The following DPYSL3 variants were observed in gnomAD, a reference collection of about 807,000 sequenced individuals.
DPYSL3 encodes the protein dihydropyrimidinase like 3, also known as dihydropyrimidinase-related protein 3.
DPYSL3 carries 16 observed loss-of-function variants against 66.1 expected under a neutral mutation model. The observed-to-expected ratio is 0.24, with a 90% CI of 0.16 to 0.37. DPYSL3 has a LOEUF of 0.37. Among genes scored for constraint, DPYSL3 ranks in the 10% least tolerant of loss-of-function variants. The pLI is 1.00. For missense variants in DPYSL3, 738 were observed against 916.2 expected (o/e 0.81, Z 2.51); for synonymous variants, 338 against 345.1 (o/e 0.98, Z 0.23).
intron 1 of DPYSL3, among the ~76,000 whole-genome samples, chr5:147,479,832 T>C (rs1315614840): frequency 6.6e-6 from 1 of 152,126 alleles, no homozygotes; most frequent in Non-Finnish European, 1.5e-5. Context: ...AGGCTTAGCA[T>C]AATAAGAATA....
intron 1 of DPYSL3, among the ~76,000 whole-genome samples, chr5:147,427,968 C>G (rs1432852): frequency 6.6e-6 from 1 of 152,076 alleles, no homozygotes; most frequent in Non-Finnish European, 1.5e-5. Flanking sequence ...CCTAAGGACA[C>G]GCAGCCCTGA....
chr5:147,431,346 A>AGCTT (rs1752311546), intron 1 of DPYSL3, among the ~76,000 whole-genome samples: 1 of 152,068 alleles, frequency 6.6e-6, no homozygotes, highest in South Asian at 2.1e-4. Context: ...TGCAGACATG[A>AGCTT]GCTTGACTTC....
intron 7 of DPYSL3, among the ~76,000 whole-genome samples, chr5:147,407,075 T>C (rs1389332425): frequency 1.3e-5 from 2 of 152,126 alleles, no homozygotes; most frequent in Non-Finnish European, 1.5e-5. Context: ...ACAGCATCAC[T>C]TGAGGTGGTG....
chr5:147,418,243 A>G (rs2126311453), intron 3 of DPYSL3, among the ~76,000 whole-genome samples: 1 of 152,322 alleles, frequency 6.6e-6, no homozygotes, highest in Middle Eastern at 3.4e-3. Context: ...TGCCATGACC[A>G]AGAGCCTCAT....
chr5:147,423,871 C>T (rs1291674919), intron 2 of DPYSL3, among the ~76,000 whole-genome samples: 1 of 152,110 alleles, frequency 6.6e-6, no homozygotes, highest in African/African-American at 2.4e-5. Flanking sequence ...CAGGCATACA[C>T]CAGCACACCC....
intron 11 of DPYSL3, 126 bp downstream of exon 11, chr5:147,398,956 G>T: frequency 7.7e-7 from 1 of 1,298,884 alleles, no homozygotes. Flanking sequence ...AGATTTAGGG[G>T]ATGGATTATT....
intron 1 of DPYSL3, among the ~76,000 whole-genome samples, chr5:147,449,525 T>C (rs1684581610): frequency 6.6e-6 from 1 of 152,252 alleles, no homozygotes; most frequent in South Asian, 2.1e-4. Flanking sequence ...ATTCTGGAGC[T>C]GTTTCCACAA....
In DPYSL3 at chr5:147,394,021, T is replaced by C; in HGVS notation, c.*14A>G. The C allele has an allele frequency of 6.2e-7, 1 of 1,613,782 alleles. No individual in the cohort carries two copies. Among genetic ancestry groups the C allele is most frequent in the Non-Finnish European group, 8.5e-7 (1 of 1,179,784 alleles). On this transcript the variant is annotated 3_prime_UTR_variant, in exon 14 of 14. Coordinates refer to ENST00000343218, the MANE Select transcript of DPYSL3 (RefSeq NM_001197294.2). ...CTCTTCTTGCTTCTGCCCCTCTCTT[T>C]GAGGAAGGCTTGCTTAACTCAGAGA...
chr5:147,505,884 G>T (rs994714111), intron 1 of DPYSL3, among the ~76,000 whole-genome samples: 8 of 152,030 alleles, frequency 5.3e-5, no homozygotes, highest in Non-Finnish European at 1.0e-4. Context: ...CGGCCAGGCT[G>T]GTCATATTAA....
chr5:147,488,411 T>C (rs1753368086), intron 1 of DPYSL3, among the ~76,000 whole-genome samples: 1 of 152,206 alleles, frequency 6.6e-6, no homozygotes, highest in African/African-American at 2.4e-5. Context: ...ATGTGAGTCC[T>C]ATCTCTGCCA....
At chr5:147,468,701 T>C (rs1732541455) in intron 1 of DPYSL3, among the ~76,000 whole-genome samples, 1 of 151,214 alleles carries the variant, frequency 6.6e-6, no homozygotes, top group Non-Finnish European at 1.5e-5. Context: ...CTCATTAACT[T>C]AATAATTTTT....
chr5:147,480,344 T>C (rs1753216798), intron 1 of DPYSL3, among the ~76,000 whole-genome samples: 1 of 152,194 alleles, frequency 6.6e-6, no homozygotes, highest in South Asian at 2.1e-4. Context: ...CCCCTCCTTA[T>C]TCATTCAGCC....
intron 1 of DPYSL3, among the ~76,000 whole-genome samples, chr5:147,503,070 T>A (rs752610434): frequency 1.3e-5 from 2 of 152,100 alleles, no homozygotes; most frequent in Non-Finnish European, 2.9e-5. Context: ...TCTCAAAAAT[T>A]GTTCAATAAA....
chr5:147,393,528 A>G lies in DPYSL3; in HGVS notation c.*507T>C, dbSNP rs1028917588. On this transcript the variant is annotated 3_prime_UTR_variant, in exon 14 of 14. Coordinates refer to ENST00000343218, the MANE Select transcript of DPYSL3 (RefSeq NM_001197294.2). ...CACAGCGGCTATCTTCCATGGAAAT[A>G]ACGTACGTCATCAACACAATATACA... 1 of 153,886 alleles carries G rather than the reference A, an allele frequency of 6.5e-6. No individual in the cohort carries two copies. The highest frequency in any genetic ancestry group is 1.5e-5 in the Non-Finnish European group (1 of 68,904). The allele number at this position is 153,886 out of a possible 1,614,324, so 9.5% of individuals were successfully genotyped here. A position where few individuals can be genotyped will look rare whatever the true frequency, so the allele number is the denominator to read the frequency against.
chr5:147,406,730 A>G (rs1172210869), intron 7 of DPYSL3, among the ~76,000 whole-genome samples: 1 of 152,182 alleles, frequency 6.6e-6, no homozygotes, highest in Non-Finnish European at 1.5e-5. Flanking sequence ...AGACTTTGAC[A>G]TTCTTCCATT....
intron 1 of DPYSL3, among the ~76,000 whole-genome samples, chr5:147,429,667 T>C (rs1000048506): frequency 1.3e-5 from 2 of 151,946 alleles, no homozygotes; most frequent in African/African-American, 4.8e-5. Context: ...AATGACAGAG[T>C]AGATTAGTTC....
intron 1 of DPYSL3, among the ~76,000 whole-genome samples, chr5:147,495,911 A>C (rs371159649): frequency 1.3e-5 from 2 of 152,194 alleles, no homozygotes; most frequent in Non-Finnish European, 2.9e-5. Flanking sequence ...TCAAGTTCAT[A>C]TGGAACCAAA....
chr5:147,508,270 G>A (rs1448490496), intron 1 of DPYSL3, among the ~76,000 whole-genome samples: 1 of 152,146 alleles, frequency 6.6e-6, no homozygotes, highest in Non-Finnish European at 1.5e-5. Flanking sequence ...TGGTTGGTTG[G>A]TTTGTCTAAA....
rs116528903 is a variant in DPYSL3 at position 147,416,291 on chromosome 5, G to A, written c.656-418C>T. 4.1e-3 allele frequency among the ~76,000 whole-genome samples: 631 copies of A among 152,180 alleles called. 4 individuals carry two copies. The highest frequency in any genetic ancestry group is 0.014 in the African/African-American group (602 of 41,526). On this transcript the variant is annotated intron_variant, in intron 3 of 13. Transcript: ENST00000343218. ...GTCATTATTACTAGTACTGTGGGGA[G>A]GTCACTGCTAGTGAAAAAGGTCAGA...
Sources: allele counts gnomAD v4.1 joint callset (sites outside exome capture counted in the v4.1 genomes callset), GRCh38; gene constraint gnomAD v4.1.1; transcripts MANE v1.5; gene names NCBI Gene and HGNC (gene_info 2026-07-23, HGNC 2026-07-21).